POU6F2: variants seen among roughly 807,000 people sequenced by gnomAD.
The protein encoded by POU6F2 is POU class 6 homeobox 2, also known as POU domain, class 6, transcription factor 2.
A neutral mutation model predicts 71.3 loss-of-function variants in POU6F2; 31 were observed. That is an observed-to-expected ratio of 0.43 (90% CI 0.33 to 0.59). The LOEUF (loss-of-function observed/expected upper bound fraction) is 0.59. POU6F2 is among the 20% of genes least tolerant of loss of function. The probability of loss-of-function intolerance (pLI) is 0.04; values close to 1 mark genes in which losing one functional copy is unlikely to be tolerated. For synonymous variants in POU6F2, 347 were observed against 355.7 expected (o/e 0.98, Z 0.27); for missense variants, 783 against 856.8 (o/e 0.91, Z 1.07).
intron 2 of POU6F2, among the ~76,000 whole-genome samples, chr7:39,155,244 G>GT (rs1792845611): frequency 1.5e-5 from 2 of 131,380 alleles, no homozygotes; most frequent in African/African-American, 5.7e-5. Context: ...CTATTACTGA[G>GT]TTTTTTTGGG....
At position 39,101,559 on chromosome 7, in the gene POU6F2, G is replaced by T. The variant is rs376896972; in HGVS notation, c.277+15528G>T. On this transcript the variant is annotated intron_variant, in intron 2 of 9. Transcript: ENST00000518318. ...CGGTCTTTGACATCCCTGAGAATTT[G>T]CAGGTTGTGGGATTAGGGTGGGGAA... Among the ~76,000 whole-genome samples the T allele has an allele frequency of 5.8e-4, 88 of 151,286 alleles. 3 individuals are homozygous for T. The South Asian group carries it at 0.018, about 31-fold the overall frequency.
At chr7:39,087,939 C>A (rs933817115) in intron 2 of POU6F2, among the ~76,000 whole-genome samples, 1 of 151,954 alleles carries the variant, frequency 6.6e-6, no homozygotes, top group African/African-American at 2.4e-5. Context: ...CCAAGAGGGT[C>A]AAAGAGATTT....
chr7:39,252,703 G>C (rs575943584), intron 4 of POU6F2, among the ~76,000 whole-genome samples: 1 of 152,168 alleles, frequency 6.6e-6, no homozygotes, highest in South Asian at 2.1e-4. Flanking sequence ...TGTGCTTGCT[G>C]TTCCTTCCCT....
rs560807387 is a variant in POU6F2 at position 39,464,082 on chromosome 7, C to T, written c.1659-100C>T. 7 of 1,439,810 alleles carry T rather than the reference C, an allele frequency of 4.9e-6. No homozygotes were observed. The African/African-American group carries it at 8.5e-5, about 18-fold the overall frequency. The allele number at this position is 1,439,810 out of a possible 1,614,324, so 89.2% of individuals were successfully genotyped here. On this transcript the variant is annotated intron_variant, in intron 9 of 9. Coordinates refer to ENST00000518318, the MANE Select transcript of POU6F2 (RefSeq NM_001370959.1). This position sits in a 1 kb window ranked among gnomAD's most constrained non-coding sequence, Gnocchi z 4.1. ...TACCTTGCAGCTGGCTATTAACCTG[C>T]AGTAAATTCGCCCTGCCAGGCAGTC...
chr7:38,978,226 G>A (rs1424911414), intron 1 of POU6F2, among the ~76,000 whole-genome samples, 168 bp downstream of exon 1: 2 of 152,176 alleles, frequency 1.3e-5, no homozygotes, highest in Admixed American at 6.5e-5. Flanking sequence ...TCTGACCAGG[G>A]AAACCTCAGC....
intron 4 of POU6F2, among the ~76,000 whole-genome samples, chr7:39,258,001 A>G (rs566549236): frequency 1.3e-5 from 2 of 152,324 alleles, no homozygotes; most frequent in Non-Finnish European, 2.9e-5. Context: ...TTGAAACTAC[A>G]TTGTTTGGGC....
intron 1 of POU6F2, among the ~76,000 whole-genome samples, chr7:38,993,995 C>T (rs1193020044): frequency 6.6e-6 from 1 of 152,068 alleles, no homozygotes. Context: ...TTTTGTCCAC[C>T]TAGAATTCAA....
chr7:39,187,052 A>C (rs1045784129), intron 2 of POU6F2, among the ~76,000 whole-genome samples: 17 of 152,232 alleles, frequency 1.1e-4, no homozygotes, highest in Non-Finnish European at 2.2e-4. Flanking sequence ...GCTTACATTT[A>C]TTGTGTGTTT....
chr7:39,068,526 A>G (rs1353239301), intron 1 of POU6F2, among the ~76,000 whole-genome samples: 1 of 141,458 alleles, frequency 7.1e-6, no homozygotes. Flanking sequence ...AAATGTCTAC[A>G]GTAAGTTCCA....
At chr7:39,427,506 GT>G (rs1347823519) in intron 6 of POU6F2, among the ~76,000 whole-genome samples, 1 of 152,126 alleles carries the variant, frequency 6.6e-6, no homozygotes, top group African/African-American at 2.4e-5. Context: ...CTCTCTTAGT[GT>G]GACAGAAAGT....
intron 4 of POU6F2, among the ~76,000 whole-genome samples, chr7:39,267,302 A>G (rs371436931): frequency 6.6e-6 from 1 of 152,200 alleles, no homozygotes; most frequent in Non-Finnish European, 1.5e-5. Flanking sequence ...CTTCAGATAT[A>G]CAAGTGTCAT....
intron 4 of POU6F2, among the ~76,000 whole-genome samples, chr7:39,213,694 C>T (rs146791947): frequency 3.9e-5 from 6 of 152,240 alleles, no homozygotes; most frequent in East Asian, 1.9e-4. Context: ...TCCATGTTGT[C>T]GTGTATACAA....
intron 1 of POU6F2, among the ~76,000 whole-genome samples, chr7:39,069,736 T>G (rs1202317959): frequency 1.3e-5 from 2 of 152,208 alleles, no homozygotes; most frequent in African/African-American, 4.8e-5. Context: ...AAGAAAATCT[T>G]AAGGAAAAGA....
chr7:39,397,370 TAGAG>T (rs1448550726), intron 5 of POU6F2, among the ~76,000 whole-genome samples: 1 of 147,588 alleles, frequency 6.8e-6, no homozygotes, highest in African/African-American at 2.5e-5. Flanking sequence ...GACAAATATA[TAGAG>T]AGACAAATAT....
chr7:39,190,610 C>G (rs527977695), intron 2 of POU6F2, among the ~76,000 whole-genome samples: 22 of 148,134 alleles, frequency 1.5e-4, no homozygotes, highest in African/African-American at 5.2e-4. Flanking sequence ...TTCCCTGATC[C>G]CTTCTTGTTT....
At chr7:39,040,608 G>T (rs1327965214) in intron 1 of POU6F2, among the ~76,000 whole-genome samples, 2 of 151,702 alleles carry the variant, frequency 1.3e-5, no homozygotes, top group Non-Finnish European at 2.9e-5. Flanking sequence ...AGTAATAGTG[G>T]TTATTCTGAA....
intron 1 of POU6F2, among the ~76,000 whole-genome samples, chr7:39,015,981 A>T (rs1012697678): frequency 0.013 from 116 of 8,920 alleles, 8 homozygotes; most frequent in South Asian, 0.042. Context: ...TATTATATAT[A>T]GATATATATA....
At chr7:39,375,322 G>A (rs894884176) in intron 5 of POU6F2, among the ~76,000 whole-genome samples, 1 of 152,112 alleles carries the variant, frequency 6.6e-6, no homozygotes, top group Non-Finnish European at 1.5e-5. Context: ...ATGGCATTTT[G>A]TTTCAGCCAT....
At chr7:39,444,285 GA>G (rs1788473682) in intron 7 of POU6F2, among the ~76,000 whole-genome samples, 1 of 152,100 alleles carries the variant, frequency 6.6e-6, no homozygotes, top group African/African-American at 2.4e-5. Flanking sequence ...AACAAATTCA[GA>G]AAAAAACCAG....
Sources: gnomAD v4.1 joint callset for allele counts (sites outside exome capture counted in the v4.1 genomes callset) on GRCh38, gnomAD v4.1.1 for gene constraint, Gnocchi (gnomAD v3.1) non-coding constraint, MANE v1.5 for transcripts, NCBI Gene and HGNC (gene_info 2026-07-23, HGNC 2026-07-21) for gene names.